Variants in SYNE2 observed in about 807,000 individuals in gnomAD.
SYNE2 encodes nesprin-2.
SYNE2 carries 431 observed loss-of-function variants against 856.3 expected under a neutral mutation model. That is an observed-to-expected ratio of 0.50 (90% CI 0.47 to 0.55). The LOEUF (loss-of-function observed/expected upper bound fraction) is 0.55, where lower values mean the gene tolerates loss of function less well. Ranked by LOEUF, SYNE2 falls within the 20% of genes least tolerant of loss-of-function variation. The pLI is 0.00. For missense variants in SYNE2, 8,129 were observed against 8,023.2 expected (o/e 1.01, Z -0.50); for synonymous variants, 2,923 against 2,872.3 (o/e 1.02, Z -0.56).
chr14:63,797,330 G>T (rs969855675), intron 1 of SYNE2, among the ~76,000 whole-genome samples: 1 of 151,876 alleles, frequency 6.6e-6, no homozygotes, highest in Non-Finnish European at 1.5e-5. Flanking sequence ...GGCGGAGGTT[G>T]CAGTGAGCCA....
chr14:63,826,695 T>TA (rs1889444088), intron 1 of SYNE2, among the ~76,000 whole-genome samples: 1 of 152,062 alleles, frequency 6.6e-6, no homozygotes, highest in Non-Finnish European at 1.5e-5. Flanking sequence ...TCACACCACT[T>TA]ACAAAAATTA....
At chr14:64,185,805 G>T (rs2098486564) in intron 96 of SYNE2, among the ~76,000 whole-genome samples, 1 of 152,192 alleles carries the variant, frequency 6.6e-6, no homozygotes, top group Non-Finnish European at 1.5e-5. Context: ...ACAGGTGTGA[G>T]CCACTGAGCC....
Position 64,163,623 on chromosome 14 carries a change from TG to T in SYNE2, c.16479+43del, listed in dbSNP as rs994248725. On this transcript the variant is annotated intron_variant, in intron 89 of 115. Coordinates refer to ENST00000555002, the MANE Select transcript of SYNE2 (RefSeq NM_182914.3). Reference sequence around the variant, plus strand: ...CATTCAAGTTTTAGTCTTAGACATTTGCATTCCATCCTCAATCCCTTGTATC... The same window carrying T: ...CATTCAAGTTTTAGTCTTAGACATTTCATTCCATCCTCAATCCCTTGTATC... 10 of 1,609,836 alleles carry T rather than the reference TG, an allele frequency of 6.2e-6. No homozygotes were observed. The African/African-American group carries it at 1.3e-4, about 21-fold the overall frequency.
chr14:63,785,613 G>A (rs1595108069), intron 1 of SYNE2, among the ~76,000 whole-genome samples: 3 of 152,142 alleles, frequency 2.0e-5, no homozygotes, highest in East Asian at 3.9e-4. Context: ...GAAGGAATTG[G>A]CATGATCCAA....
chr14:64,081,302 A>G, intron 56 of SYNE2, 141 bp from the exon 57 acceptor site: 1 of 968,160 alleles, frequency 1.0e-6, no homozygotes, highest in South Asian at 1.4e-5. Context: ...GAGCAGGTGA[A>G]TAAGTAGCCC....
intron 1 of SYNE2, among the ~76,000 whole-genome samples, chr14:63,867,693 G>A (rs557053280): frequency 2.0e-5 from 3 of 151,634 alleles, no homozygotes; most frequent in South Asian, 2.1e-4. Context: ...GCGAGACTCT[G>A]TCTCAAAAAA....
chr14:64,028,007 A>T (rs1303878966), intron 43 of SYNE2, among the ~76,000 whole-genome samples: 1 of 152,056 alleles, frequency 6.6e-6, no homozygotes, highest in Non-Finnish European at 1.5e-5. Flanking sequence ...TTGAGGGCTC[A>T]GGTGATCCTC....
Position 64,170,476 on chromosome 14 carries a change from C to A in SYNE2, c.17235+14C>A. On this transcript the variant is annotated intron_variant, in intron 94 of 115. Transcript: ENST00000555002. ...CATGAGCTGAAGGTAGTGTATGCATCGTAGCAGTGTGAGAACCACAGGGTG... is the reference window on the plus strand; with the variant it reads ...CATGAGCTGAAGGTAGTGTATGCATAGTAGCAGTGTGAGAACCACAGGGTG... 6.3e-7 allele frequency: 1 copy of A among 1,596,920 alleles called. No individual in the cohort carries two copies.
Position 64,065,569 on chromosome 14 carries a change from G to T in SYNE2, c.10350G>T (p.Trp3450Cys). Residue 3450 changes from tryptophan (W) to cysteine (C), a missense_variant, in exon 51 of 116, where the codon TGG becomes TGT. This residue lies in a region of SYNE2 where 5,410 missense variants were observed against 5,284.8 expected (regional missense o/e 1.02). Transcript: ENST00000555002. The stretch of plus-strand genomic sequence containing the variant: ...TTGTGTCGGCTCTGTGGGAGAAATG[G>T]CTGAGTTTGCTGGAAGCTGCTAAAG... Reference protein sequence around the residue: ...LKIVSALWEKWLSLLEAAKEW... With the variant: ...LKIVSALWEKCLSLLEAAKEW... 1 of 1,614,178 alleles carries T rather than the reference G, an allele frequency of 6.2e-7. No homozygotes were observed. The highest frequency in any genetic ancestry group is 8.5e-7 in the Non-Finnish European group (1 of 1,180,032).
intron 8 of SYNE2, among the ~76,000 whole-genome samples, chr14:63,959,309 T>G (rs2096279939): frequency 7.0e-6 from 1 of 143,314 alleles, no homozygotes; most frequent in Non-Finnish European, 1.5e-5. Flanking sequence ...TTTTTTTTTT[T>G]TTTTGAGATG....
At chr14:64,123,891 CTTTTT>C (rs751630524) in intron 70 of SYNE2, among the ~76,000 whole-genome samples, 2 of 140,490 alleles carry the variant, frequency 1.4e-5, no homozygotes, top group Non-Finnish European at 3.1e-5. Context: ...CACACACCAC[CTTTTT>C]TTTTTTTTTT....
chr14:64,108,225 G>A (rs2097783751), intron 65 of SYNE2, among the ~76,000 whole-genome samples: 1 of 152,176 alleles, frequency 6.6e-6, no homozygotes, highest in Non-Finnish European at 1.5e-5. Context: ...GGTGGCACAT[G>A]CCTGTAATCC....
intron 84 of SYNE2, among the ~76,000 whole-genome samples, chr14:64,150,501 G>A (rs904284128): frequency 3.9e-5 from 6 of 151,996 alleles, no homozygotes; most frequent in South Asian, 2.1e-4. Context: ...GATTACAGGC[G>A]TGAGCCACTG....
intron 1 of SYNE2, among the ~76,000 whole-genome samples, chr14:63,903,905 T>C (rs1352096741): frequency 6.6e-6 from 1 of 152,116 alleles, no homozygotes; most frequent in Non-Finnish European, 1.5e-5. Context: ...GTTTGTAACA[T>C]GGGTATATTG....
chr14:63,981,251 G>A lies in SYNE2; in HGVS notation c.1836+78G>A, dbSNP rs1172318163. The A allele has an allele frequency of 1.3e-5, 17 of 1,300,454 alleles. No homozygotes were observed. The Admixed American group carries it at 2.5e-4, about 20-fold the overall frequency. The allele number at this position is 1,300,454 out of a possible 1,614,324, so 80.6% of individuals were successfully genotyped here. A position where few individuals can be genotyped will look rare whatever the true frequency, so the allele number is the denominator to read the frequency against. ...TTGTGACCCTCATTTTCAATCCAAA[G>A]ATGAGAAAACAGAGAAGAGTACACC... On this transcript the variant is annotated intron_variant, in intron 16 of 115. Transcript: ENST00000555002.
chr14:64,078,601 C>G lies in SYNE2; in HGVS notation c.11158C>G (p.Gln3720Glu). 3 of 1,613,840 alleles carry G rather than the reference C, an allele frequency of 1.9e-6. No individual in the cohort carries two copies. The highest frequency in any genetic ancestry group is 1.6e-4 in the Middle Eastern group (1 of 6,062). The change falls in exon 55 of 116, where the codon CAA becomes GAA. Residue 3720 changes from glutamine (Q) to glutamate (E), a missense_variant. Coordinates refer to ENST00000555002, the MANE Select transcript of SYNE2 (RefSeq NM_182914.3). ...SKNIEKAQEIQKKMWDELDLW... is the reference protein window; with the variant it reads ...SKNIEKAQEIEKKMWDELDLW... ...AAATATTGAGAAAGCTCAAGAAATTCAAAAGGTAAAATCCTCCTTTAACTC... is the reference window on the plus strand; with the variant it reads ...AAATATTGAGAAAGCTCAAGAAATTGAAAAGGTAAAATCCTCCTTTAACTC...
intron 1 of SYNE2, among the ~76,000 whole-genome samples, chr14:63,870,326 C>T (rs1379916586): frequency 6.8e-6 from 1 of 148,136 alleles, no homozygotes; most frequent in African/African-American, 2.5e-5. Context: ...CCTAACTTCC[C>T]CAAAGTTGGC....
In SYNE2 at chr14:64,216,391, A is replaced by G; in HGVS notation, c.19542+4A>G. 1 of 1,614,124 alleles carries G rather than the reference A, an allele frequency of 6.2e-7. No individual in the cohort carries two copies. On this transcript the variant is annotated splice_donor_region_variant and intron_variant, in intron 108 of 115. Transcript: ENST00000555002. ...CACCCCTTATAAACCACCCTATGTA[A>G]GTCTTAACTTCACTGGGAGTACAGC... is the stretch of plus-strand genomic sequence containing the variant.
At chr14:64,171,434 TAATAA>T (rs779223601) in intron 94 of SYNE2, among the ~76,000 whole-genome samples, 27 of 152,288 alleles carry the variant, frequency 1.8e-4, no homozygotes, top group Admixed American at 5.2e-4. Context: ...AATTAATAAA[TAATAA>T]AATATCAGAT....
Sources: gnomAD v4.1 joint callset for allele counts (sites outside exome capture counted in the v4.1 genomes callset) on GRCh38, gnomAD v4.1.1 for gene constraint, gnomAD v4.1.1 regional missense constraint, MANE v1.5 for transcripts, NCBI Gene and HGNC (gene_info 2026-07-23, HGNC 2026-07-21) for gene names.